RPP30: variants seen among roughly 807,000 people sequenced by gnomAD.
RPP30 encodes ribonuclease P protein subunit p30.
RPP30 carries 36 observed loss-of-function variants against 38.6 expected under a neutral mutation model. That is an observed-to-expected ratio of 0.93 (90% CI 0.71 to 1.23). The LOEUF (loss-of-function observed/expected upper bound fraction) is 1.23, where lower values mean the gene tolerates loss of function less well. Ranked by LOEUF, RPP30 falls within the 50% of genes most tolerant of loss-of-function variation. The pLI is 0.00. For missense variants in RPP30, 321 were observed against 321.7 expected (o/e 1.00, Z 0.02); for synonymous variants, 126 against 112.7 (o/e 1.12, Z -0.75).
At chr10:90,880,324 T>C (rs1411791459) in intron 5 of RPP30, 4 of 148,078 alleles carry the variant, frequency 2.7e-5, no homozygotes, top group African/African-American at 1.1e-4. Flanking sequence ...TAAACATTAA[T>C]AGTTTTCAAG....
Position 90,872,274 on chromosome 10 carries a change from A to G in RPP30, c.82+206A>G, listed in dbSNP as rs974103392. 2.7e-5 allele frequency: 16 copies of G among 586,370 alleles called. No individual in the cohort carries two copies. The Admixed American group carries it at 4.1e-4, about 15-fold the overall frequency. 36.3% of individuals were successfully genotyped at this position (586,370 alleles called of 1,614,324 possible). ...CTGGGGGTTGTTATCTGGTTCAGCT[A>G]CTTTCCTGCAATGAGGGAACTGAGG... On this transcript the variant is annotated intron_variant, in intron 1 of 10. Coordinates refer to ENST00000371703, the MANE Select transcript of RPP30 (RefSeq NM_006413.5).
chr10:90,877,137 C>A (rs1374055962), intron 4 of RPP30, among the ~76,000 whole-genome samples: 2 of 152,054 alleles, frequency 1.3e-5, no homozygotes, highest in East Asian at 3.9e-4. Context: ...AGTGGTGAAA[C>A]CCCATCTCTA....
Position 90,902,105 on chromosome 10 carries a change from T to TA in RPP30, c.*1427dup, listed in dbSNP as rs1847210857. The TA allele has an allele frequency of 1.0e-6, 1 of 989,142 alleles. No homozygotes were observed. Among genetic ancestry groups the TA allele is most frequent in the Non-Finnish European group, 1.2e-6 (1 of 831,996 alleles). 61.3% of individuals were successfully genotyped at this position (989,142 alleles called of 1,614,324 possible). On this transcript the variant is annotated 3_prime_UTR_variant, in exon 11 of 11. Coordinates refer to ENST00000371703, the MANE Select transcript of RPP30 (RefSeq NM_006413.5). ...AGCCACTGCGCCCGGCCCGAGAAAA[T>TA]ACAGTTTTAAAAAGAGAAAGCTTTA...
intron 5 of RPP30, among the ~76,000 whole-genome samples, chr10:90,881,990 T>G (rs1302558993): frequency 6.6e-6 from 1 of 152,152 alleles, no homozygotes; most frequent in Non-Finnish European, 1.5e-5. Context: ...ATCCGGAAGA[T>G]GTCTCATAGA....
At chr10:90,874,064 C>T (rs528397036) in intron 1 of RPP30, among the ~76,000 whole-genome samples, 3 of 152,076 alleles carry the variant, frequency 2.0e-5, no homozygotes, top group African/African-American at 7.2e-5. Context: ...GTAATGGATG[C>T]TCAGTAAATA....
In RPP30 at chr10:90,896,305, C is replaced by G. The variant is rs1275232418; in HGVS notation, c.618-8C>G. ...ACTCTGGGTTGAAATCTTTAATGCT[C>G]CCCCAAGAGGCTTGCTGTTTGGGCT... On this transcript the variant is annotated splice_polypyrimidine_tract_variant and splice_region_variant and intron_variant, in intron 9 of 10. Coordinates refer to ENST00000371703, the MANE Select transcript of RPP30 (RefSeq NM_006413.5). 4 of 1,613,222 alleles carry G rather than the reference C, an allele frequency of 2.5e-6. No homozygotes were observed. The highest frequency in any genetic ancestry group is 3.4e-6 in the Non-Finnish European group (4 of 1,179,222).
chr10:90,895,642 ACTTT>A, intron 8 of RPP30, 159 bp downstream of exon 8: 1 of 511,858 alleles, frequency 2.0e-6, no homozygotes, highest in Non-Finnish European at 3.3e-6. Flanking sequence ...ATTTATCCCC[ACTTT>A]CTTTAGGCTT....
intron 4 of RPP30, 77 bp from the exon 5 acceptor site, chr10:90,878,986 T>TCTA: frequency 8.4e-7 from 1 of 1,184,252 alleles, no homozygotes; most frequent in African/African-American, 1.5e-5. Context: ...GAAATATAAG[T>TCTA]GTGAGTCAAT....
Position 90,875,681 on chromosome 10 carries a change from G to A in RPP30, c.195+67G>A. 5.9e-6 allele frequency: 8 copies of A among 1,357,146 alleles called. No individual in the cohort carries two copies. The South Asian group carries it at 9.4e-5, about 16-fold the overall frequency. 84.1% of individuals were successfully genotyped at this position (1,357,146 alleles called of 1,614,324 possible). On this transcript the variant is annotated intron_variant, in intron 3 of 10. Coordinates refer to ENST00000371703, the MANE Select transcript of RPP30 (RefSeq NM_006413.5). The stretch of plus-strand genomic sequence containing the variant: ...CAGTTAAAAGGTACCTAATTATTGT[G>A]CTATTCTCTAGCTTGAGCTGCACCT...
rs1357051906 is a variant in RPP30, at chr10:90,901,365, T to C, written c.*686T>C. ...TAGTTATTTTGAAGATATTCAAACT[T>C]ATATTGAAGAAGTGACTTTAGTTCC... On this transcript the variant is annotated 3_prime_UTR_variant, in exon 11 of 11. Transcript: ENST00000371703. 6.1e-6 allele frequency: 6 copies of C among 981,648 alleles called. No individual in the cohort carries two copies. Among genetic ancestry groups the C allele is most frequent in the Non-Finnish European group, 7.3e-6 (6 of 826,642 alleles). The allele number at this position is 981,648 out of a possible 1,614,324, so 60.8% of individuals were successfully genotyped here.
chr10:90,885,824 C>T lies in RPP30; in HGVS notation c.355C>T (p.His119Tyr). Residue 119 changes from histidine to tyrosine, a missense_variant, in exon 6 of 11, where the codon CAT (histidine) becomes TAT (tyrosine). Transcript: ENST00000371703. ...TEKLFHIACT[H>Y]LDVDLVCITV... ...TTCTTCTTTACAGATTGCTTGCACA[C>T]ATTTAGATGTGGATTTAGTCTGCAT... 1 of 1,609,360 alleles carries T rather than the reference C, an allele frequency of 6.2e-7. No homozygotes were observed. The highest frequency in any genetic ancestry group is 1.3e-5 in the African/African-American group (1 of 74,888).
chr10:90,906,441 A>G (rs1847255712), downstream of RPP30, among the ~76,000 whole-genome samples: 1 of 152,208 alleles, frequency 6.6e-6, no homozygotes, highest in Non-Finnish European at 1.5e-5. Context: ...GAGAGATAAG[A>G]ATAAAGAGTT....
chr10:90,874,792 T>A, intron 1 of RPP30, 77 bp from the exon 2 acceptor site: 1 of 922,290 alleles, frequency 1.1e-6, no homozygotes, highest in South Asian at 1.7e-5. Context: ...TCTTGACATC[T>A]AGACTCAGGA....
chr10:90,872,533 G>GA (rs1846794275), intron 1 of RPP30, among the ~76,000 whole-genome samples: 1 of 152,150 alleles, frequency 6.6e-6, no homozygotes, highest in South Asian at 2.1e-4. Context: ...TAGACAGAGA[G>GA]AGGGTAGGTG....
Position 90,900,752 on chromosome 10 carries a change from C to A in RPP30, c.*73C>A. ...TTCATCAGCCACAACAAAAATAAAA[C>A]CTTTGTGTGATTTACTGTTTTCATT... On this transcript the variant is annotated 3_prime_UTR_variant, in exon 11 of 11. Transcript: ENST00000371703. 1 of 1,520,882 alleles carries A rather than the reference C, an allele frequency of 6.6e-7. No individual in the cohort carries two copies. The highest frequency in any genetic ancestry group is 8.8e-7 in the Non-Finnish European group (1 of 1,137,504). The allele number at this position is 1,520,882 out of a possible 1,614,324, so 94.2% of individuals were successfully genotyped here. A position where few individuals can be genotyped will look rare whatever the true frequency, so the allele number is the denominator to read the frequency against.
At chr10:90,875,732 T>C (rs1846843349) in intron 3 of RPP30, 118 bp downstream of exon 3, 1 of 851,736 alleles carries the variant, frequency 1.2e-6, no homozygotes. Context: ...TCTTAACGTT[T>C]TCCTCAAGGC....
chr10:90,885,870 C>T lies in RPP30; in HGVS notation c.401C>T (p.Pro134Leu), dbSNP rs199710578. The T allele has an allele frequency of 1.2e-6, 2 of 1,608,430 alleles. No individual in the cohort carries two copies. The highest frequency in any genetic ancestry group is 1.7e-6 in the Non-Finnish European group (2 of 1,176,436). Reference sequence around the variant, plus strand: ...TGCATAACTGTAACAGAGAAACTACCATTTTACTTCAAAAGACCTCCTATT... The same window carrying T: ...TGCATAACTGTAACAGAGAAACTACTATTTTACTTCAAAAGACCTCCTATT... ...LVCITVTEKL[P>L]FYFKRPPINV... The change falls in exon 6 of 11, where the codon CCA becomes CTA. Residue 134 changes from proline to leucine, a missense_variant. Pro to Leu is a moderately conservative substitution (Grantham distance 98, BLOSUM62 -3). Coordinates refer to ENST00000371703, the MANE Select transcript of RPP30 (RefSeq NM_006413.5).
downstream of RPP30, among the ~76,000 whole-genome samples, chr10:90,906,574 A>G (rs1847256666): frequency 6.6e-6 from 1 of 152,218 alleles, no homozygotes; most frequent in Middle Eastern, 3.2e-3. Context: ...ATTGCATTTT[A>G]GAAAAATCCC....
chr10:90,875,908 A>G (rs1589493480), intron 3 of RPP30, 116 bp from the exon 4 acceptor site: 1 of 655,188 alleles, frequency 1.5e-6, no homozygotes, highest in East Asian at 2.7e-5. Context: ...ACTGGGTTTT[A>G]TTGATCTTCA....
Sources: allele counts gnomAD v4.1 joint callset (sites outside exome capture counted in the v4.1 genomes callset), GRCh38; gene constraint gnomAD v4.1.1; transcripts MANE v1.5; gene names NCBI Gene and HGNC (gene_info 2026-07-23, HGNC 2026-07-21).